The following PMP22 variants were observed in gnomAD, a reference collection of about 807,000 sequenced individuals.
PMP22 encodes peripheral myelin protein 22.
Under a neutral mutation model 18.9 loss-of-function variants are expected in PMP22, and 2 were observed. That is an observed-to-expected ratio of 0.11 (90% CI 0.04 to 0.33). PMP22 has a LOEUF of 0.33. Ranked by LOEUF, PMP22 falls within the 10% of genes least tolerant of loss-of-function variation. The probability of loss-of-function intolerance (pLI) is 1.00; values close to 1 mark genes in which losing one functional copy is unlikely to be tolerated. For synonymous variants in PMP22, 95 were observed against 89.2 expected (o/e 1.07, Z -0.37); for missense variants, 169 against 202.2 (o/e 0.84, Z 1.00).
rs201255121 is a variant in PMP22 at position 15,230,970 on chromosome 17, G to T, written c.430C>A (p.Pro144Thr). The change falls in exon 5 of 5, where the codon CCC (proline) becomes ACC (threonine). Residue 144 changes from proline to threonine, a missense_variant. By Grantham distance (38) the Pro-to-Thr change is conservative. Transcript: ENST00000312280. ...ATGACACCGCTGAGAAGGGCCAGGG[G>T]GAAGGCCACCCAGGCCAGGATGTAG... ...FAYILAWVAF[P>T]LALLSGVIYV... is the part of the protein sequence containing the mutation. The T allele has an allele frequency of 1.2e-6, 2 of 1,614,160 alleles. No homozygotes were observed. Among genetic ancestry groups the T allele is most frequent in the East Asian group, 4.5e-5 (2 of 44,876 alleles).
intron 3 of PMP22, among the ~76,000 whole-genome samples, chr17:15,248,772 C>T (rs965480846): frequency 6.6e-6 from 1 of 152,166 alleles, no homozygotes; most frequent in African/African-American, 2.4e-5. Context: ...TCACAATGTA[C>T]CATGAATGAT....
At chr17:15,257,726 T>C (rs1354114462) in intron 3 of PMP22, among the ~76,000 whole-genome samples, 1 of 152,228 alleles carries the variant, frequency 6.6e-6, no homozygotes, top group Admixed American at 6.5e-5. Context: ...ATGGCTTTAA[T>C]TCAATGCCTT....
chr17:15,230,916 CT>C lies in PMP22; in HGVS notation c.483del (p.Ter161TrpfsTer8). On this transcript the variant is annotated frameshift_variant and stop_lost, in exon 5 of 5. Transcript: ENST00000312280. LOFTEE classifies it high-confidence loss of function. Reference protein sequence around the residue: ...VIYVILRKRE* With the variant: ...VIYVILRKREX ...AGCCTCAGACAGACCGTCTGGGCGCCTCATTCGCGTTTCCGCAAGATCACAT... is the reference window on the plus strand; with the variant it reads ...AGCCTCAGACAGACCGTCTGGGCGCCCATTCGCGTTTCCGCAAGATCACAT... 6.2e-7 allele frequency: 1 copy of C among 1,613,894 alleles called. No individual in the cohort carries two copies.
At chr17:15,235,585 G>C (rs1364046417) in intron 4 of PMP22, among the ~76,000 whole-genome samples, 1 of 152,028 alleles carries the variant, frequency 6.6e-6, no homozygotes, top group East Asian at 1.9e-4. Flanking sequence ...AGTTATTTCT[G>C]GGAAAATATC....
Position 15,255,947 on chromosome 17 carries a change from A to T in PMP22, c.178+3147T>A, listed in dbSNP as rs568139573. Among the ~76,000 whole-genome samples the T allele has an allele frequency of 2.0e-5, 3 of 152,178 alleles. No individual in the cohort carries two copies. The East Asian group carries it at 5.8e-4, about 29-fold the overall frequency. ...CTCTTCGACCAGGCTCGGGACCATCAAGGCAAGGCCCATGCATTCCAGATC... is the reference window on the plus strand; with the variant it reads ...CTCTTCGACCAGGCTCGGGACCATCTAGGCAAGGCCCATGCATTCCAGATC... On this transcript the variant is annotated intron_variant, in intron 3 of 4. Coordinates refer to ENST00000312280, the MANE Select transcript of PMP22 (RefSeq NM_000304.4).
chr17:15,263,576 C>T (rs535497931), intron 1 of PMP22, among the ~76,000 whole-genome samples: 3 of 110,494 alleles, frequency 2.7e-5, no homozygotes, highest in Non-Finnish European at 5.8e-5. Flanking sequence ...AGTTCACGCA[C>T]GCGCGCGCAC....
At chr17:15,250,112 G>A (rs1029760314) in intron 3 of PMP22, among the ~76,000 whole-genome samples, 4 of 152,130 alleles carry the variant, frequency 2.6e-5, no homozygotes, top group Non-Finnish European at 2.9e-5. Context: ...TAGAGACAGG[G>A]TTTCACCGTG....
Position 15,230,788 on chromosome 17 carries a change from A to G in PMP22, c.*129T>C, listed in dbSNP as rs1418354034. On this transcript the variant is annotated 3_prime_UTR_variant, in exon 5 of 5. Transcript: ENST00000312280. Reference sequence around the variant, plus strand: ...TCAATCAACAGCAACCCCCACCTCCACTGCTTTCTGTTTGGTTTGGTTTGA... The same window carrying G: ...TCAATCAACAGCAACCCCCACCTCCGCTGCTTTCTGTTTGGTTTGGTTTGA... The G allele has an allele frequency of 1.1e-6, 1 of 940,504 alleles. No individual in the cohort carries two copies. The highest frequency in any genetic ancestry group is 1.8e-5 in the Admixed American group (1 of 55,724). The allele number at this position is 940,504 out of a possible 1,614,324, so 58.3% of individuals were successfully genotyped here.
chr17:15,239,496 G>A lies in PMP22; in HGVS notation c.294C>T (p.Ile98=). The change falls in exon 4 of 5, where the codon ATC becomes ATT. Residue 98 remains isoleucine (I), a synonymous_variant. Coordinates refer to ENST00000312280, the MANE Select transcript of PMP22 (RefSeq NM_000304.4). ...FTLTKGGRFY[I]TGIFQILAGL... ...CAGCAAGAATTTGGAAGATTCCAGT[G>A]ATGTAAAACCTGCCCCCCTTGGTGA... 6.2e-7 allele frequency: 1 copy of A among 1,614,174 alleles called. No individual in the cohort carries two copies. The highest frequency in any genetic ancestry group is 8.5e-7 in the Non-Finnish European group (1 of 1,180,010).
At position 15,259,170 on chromosome 17, in the gene PMP22, G is replaced by A. The variant is rs779654897; in HGVS notation, c.102C>T (p.His34=). The A allele has an allele frequency of 3.7e-5, 59 of 1,613,262 alleles. No individual in the cohort carries two copies. The East Asian group carries it at 8.5e-4, about 23-fold the overall frequency. The change falls in exon 3 of 5, where the codon CAC becomes CAT. Residue 34 remains histidine, a synonymous_variant. Coordinates refer to ENST00000312280, the MANE Select transcript of PMP22 (RefSeq NM_000304.4). ...TACAGTTCTGCCAGAGATCAGTTGC[G>A]TGTCCATTGCCCACGATCCATTGCT... is the stretch of plus-strand genomic sequence containing the variant. ...IVSQWIVGNG[H]ATDLWQNCST...
chr17:15,258,802 C>G lies in PMP22; in HGVS notation c.178+292G>C. The G allele has an allele frequency of 2.3e-6, 1 of 440,878 alleles. No homozygotes were observed. The highest frequency in any genetic ancestry group is 4.2e-6 in the Non-Finnish European group (1 of 235,908). 27.3% of individuals were successfully genotyped at this position (440,878 alleles called of 1,614,324 possible). On this transcript the variant is annotated intron_variant, in intron 3 of 4. Coordinates refer to ENST00000312280, the MANE Select transcript of PMP22 (RefSeq NM_000304.4). This position sits in a 1 kb window ranked among gnomAD's most constrained non-coding sequence, Gnocchi z 4.1. ...TAGCTATCATACCACCTTCACAGCT[C>G]CCAGGTCGATATTTTTTTCAATCAC...
chr17:15,248,279 T>C (rs1276058116), intron 3 of PMP22, among the ~76,000 whole-genome samples: 2 of 152,038 alleles, frequency 1.3e-5, no homozygotes, highest in East Asian at 3.9e-4. Flanking sequence ...GAAGGTGACG[T>C]GGGCGGCTCT....
At chr17:15,256,200 C>G (rs1358675457) in intron 3 of PMP22, among the ~76,000 whole-genome samples, 3 of 152,212 alleles carry the variant, frequency 2.0e-5, no homozygotes, top group African/African-American at 7.2e-5. Flanking sequence ...TCTGGTGTGT[C>G]TCTTTCAAAC....
chr17:15,245,734 G>A (rs1433649382), intron 3 of PMP22, among the ~76,000 whole-genome samples: 1 of 152,030 alleles, frequency 6.6e-6, no homozygotes, highest in African/African-American at 2.4e-5. Context: ...CAGGCCGGGC[G>A]CAGTGGGTCA....
At chr17:15,255,607 G>T (rs1464002222) in intron 3 of PMP22, among the ~76,000 whole-genome samples, 1 of 152,072 alleles carries the variant, frequency 6.6e-6, no homozygotes, top group Non-Finnish European at 1.5e-5. Flanking sequence ...TCTTACTTAA[G>T]CCCCTATCAT....
chr17:15,255,100 T>C (rs1318862943), intron 3 of PMP22, among the ~76,000 whole-genome samples: 1 of 152,152 alleles, frequency 6.6e-6, no homozygotes, highest in Non-Finnish European at 1.5e-5. Context: ...GCAGCAGAGA[T>C]GGACTCTTTG....
chr17:15,256,618 A>C (rs556436826), intron 3 of PMP22, among the ~76,000 whole-genome samples: 69 of 152,192 alleles, frequency 4.5e-4, no homozygotes, highest in Non-Finnish European at 8.5e-4. Flanking sequence ...ATTTTTTCAC[A>C]CTTGCAACAT....
intron 3 of PMP22, among the ~76,000 whole-genome samples, chr17:15,243,479 A>G (rs1907524909): frequency 6.6e-6 from 1 of 151,858 alleles, no homozygotes; most frequent in Non-Finnish European, 1.5e-5. Context: ...AAGTAAACAC[A>G]ACAGCAACTA....
intron 4 of PMP22, 198 bp downstream of exon 4, chr17:15,239,272 AG>A: frequency 1.5e-6 from 1 of 648,184 alleles, no homozygotes; most frequent in Non-Finnish European, 2.8e-6. Flanking sequence ...AGAAGGGGAG[AG>A]TTCTAAGTCC....
Sources: gnomAD v4.1 joint callset for allele counts (sites outside exome capture counted in the v4.1 genomes callset) on GRCh38, gnomAD v4.1.1 for gene constraint, Gnocchi (gnomAD v3.1) non-coding constraint, MANE v1.5 for transcripts, NCBI Gene and HGNC (gene_info 2026-07-23, HGNC 2026-07-21) for gene names.